Variants in DLC1 observed in about 807,000 individuals in gnomAD.
DLC1 encodes the protein rho GTPase-activating protein 7.
Under a neutral mutation model 140.3 loss-of-function variants are expected in DLC1, and 54 were observed. The ratio of observed to expected loss-of-function variants is 0.38; its 90% CI spans 0.31 to 0.48. The LOEUF (loss-of-function observed/expected upper bound fraction) is 0.48. Among genes scored for constraint, DLC1 ranks in the 20% least tolerant of loss-of-function variants. The pLI is 0.96. For missense variants in DLC1, 2,536 were observed against 1,907.0 expected (o/e 1.33, Z -6.14); for synonymous variants, 986 against 728.1 (o/e 1.35, Z -5.70).
chr8:13,391,077 G>A (rs1279276457), intron 4 of DLC1, among the ~76,000 whole-genome samples: 7 of 151,970 alleles, frequency 4.6e-5, no homozygotes, highest in Non-Finnish European at 8.8e-5. Flanking sequence ...CGTAAAAGTC[G>A]ATTGTCTTTG....
chr8:13,515,762 G>T (rs1802566746), upstream of DLC1: 1 of 152,176 alleles, frequency 6.6e-6, no homozygotes, highest in South Asian at 2.1e-4. Context: ...AACCAGACAG[G>T]CAACTCTGGA....
At chr8:13,347,464 G>A (rs1347483412) in intron 4 of DLC1, among the ~76,000 whole-genome samples, 6 of 152,150 alleles carry the variant, frequency 3.9e-5, no homozygotes, top group Admixed American at 2.0e-4. Flanking sequence ...TGTCGGGGAT[G>A]GGGCATGAGA....
intron 5 of DLC1, among the ~76,000 whole-genome samples, chr8:13,134,872 G>C (rs984399493): frequency 6.6e-5 from 10 of 152,180 alleles, no homozygotes; most frequent in African/African-American, 2.4e-4. Flanking sequence ...GCTCTAAAGG[G>C]TATGGGACTC....
chr8:13,375,513 C>A (rs1835936174), intron 4 of DLC1, among the ~76,000 whole-genome samples: 1 of 152,128 alleles, frequency 6.6e-6, no homozygotes, highest in South Asian at 2.1e-4. Flanking sequence ...TTTCTCCTGC[C>A]TGAATGCCCT....
chr8:13,128,041 CA>C (rs34983688), intron 5 of DLC1, among the ~76,000 whole-genome samples: 129 of 138,400 alleles, frequency 9.3e-4, no homozygotes, highest in African/African-American at 1.4e-3. Flanking sequence ...TCTAGTAGAA[CA>C]AAAAAAAAAA....
chr8:13,459,087 C>T (rs142768477), intron 2 of DLC1, among the ~76,000 whole-genome samples: 1 of 152,200 alleles, frequency 6.6e-6, no homozygotes, highest in East Asian at 1.9e-4. Flanking sequence ...TTTAAATAAC[C>T]TAATGAACCA....
intron 1 of DLC1, among the ~76,000 whole-genome samples, chr8:13,551,376 A>G (rs1803844043): frequency 6.6e-6 from 1 of 152,020 alleles, no homozygotes; most frequent in African/African-American, 2.4e-5. Flanking sequence ...ATCTAGTTCT[A>G]GATTTTGAAT....
chr8:13,172,987 C>G (rs1047413474), intron 5 of DLC1, among the ~76,000 whole-genome samples: 2 of 152,172 alleles, frequency 1.3e-5, no homozygotes, highest in Non-Finnish European at 2.9e-5. Context: ...AAAATGTTTT[C>G]TTTTCTCTAT....
intron 1 of DLC1, among the ~76,000 whole-genome samples, chr8:13,538,479 A>G (rs1053939838): frequency 1.2e-4 from 18 of 152,092 alleles, no homozygotes; most frequent in African/African-American, 4.3e-4. Context: ...AGACGAGCAG[A>G]TATGATGCCG....
intron 5 of DLC1, among the ~76,000 whole-genome samples, chr8:13,181,200 C>A (rs1826010411): frequency 6.6e-6 from 1 of 152,096 alleles, no homozygotes; most frequent in Non-Finnish European, 1.5e-5. Context: ...CACTCCAAAA[C>A]CTTTGCACTT....
At chr8:13,519,329 C>T (rs185441375), upstream of DLC1, among the ~76,000 whole-genome samples, 23 of 152,154 alleles carry the variant, frequency 1.5e-4, no homozygotes, top group Non-Finnish European at 2.1e-4. Context: ...GGGGTTTCAC[C>T]GTGTTAGCCA....
At chr8:13,349,119 C>G (rs887353962) in intron 4 of DLC1, among the ~76,000 whole-genome samples, 2 of 152,080 alleles carry the variant, frequency 1.3e-5, no homozygotes, top group East Asian at 3.9e-4. Flanking sequence ...AGACACTAAT[C>G]AGATAGGTTG....
chr8:13,496,786 C>CATT (rs1801529157), intron 2 of DLC1, among the ~76,000 whole-genome samples: 1 of 23,486 alleles, frequency 4.3e-5, no homozygotes, highest in African/African-American at 1.2e-4. Flanking sequence ...AGACCATTTC[C>CATT]TTTTTTTTTT....
intron 5 of DLC1, among the ~76,000 whole-genome samples, chr8:13,256,981 T>G (rs1014912504): frequency 1.3e-5 from 2 of 151,652 alleles, no homozygotes; most frequent in Admixed American, 1.3e-4. Flanking sequence ...GTGTGCTGAG[T>G]GAAGGCTATT....
At chr8:13,493,264 C>G (rs1300477341) in intron 2 of DLC1, among the ~76,000 whole-genome samples, 1 of 152,218 alleles carries the variant, frequency 6.6e-6, no homozygotes. Flanking sequence ...CATTCCTTCC[C>G]TCCTTGTCGG....
chr8:13,220,444 C>G (rs946407959), intron 5 of DLC1, among the ~76,000 whole-genome samples: 1 of 152,002 alleles, frequency 6.6e-6, no homozygotes, highest in Non-Finnish European at 1.5e-5. Context: ...CAAATTTGAT[C>G]GAAGTAAGGA....
chr8:13,367,500 A>G (rs1270429028), intron 4 of DLC1, among the ~76,000 whole-genome samples: 2 of 152,170 alleles, frequency 1.3e-5, no homozygotes, highest in Non-Finnish European at 1.5e-5. Flanking sequence ...CTTCCCATGA[A>G]TTGTTTTTTT....
At position 13,253,225 on chromosome 8, in the gene DLC1, G is replaced by A. The variant is rs561616178; in HGVS notation, c.1348+52044C>T. On this transcript the variant is annotated intron_variant, in intron 5 of 17. Coordinates refer to ENST00000276297, the MANE Select transcript of DLC1 (RefSeq NM_182643.3). ...AAATAAGAATAGTCATGCAAATTTTGTAGATAAATTAATAGACATAGATCT... is the reference window on the plus strand; with the variant it reads ...AAATAAGAATAGTCATGCAAATTTTATAGATAAATTAATAGACATAGATCT... 5.3e-5 allele frequency among the ~76,000 whole-genome samples: 8 copies of A among 152,312 alleles called. No homozygotes were observed. In the South Asian group the frequency reaches 1.7e-3, roughly 32 times the overall value.
At chr8:13,126,495 C>T (rs1821582451) in intron 5 of DLC1, among the ~76,000 whole-genome samples, 1 of 152,036 alleles carries the variant, frequency 6.6e-6, no homozygotes, top group Non-Finnish European at 1.5e-5. Flanking sequence ...AGTACGAAGT[C>T]CTTTGAAGAT....
Sources: allele counts gnomAD v4.1 joint callset (sites outside exome capture counted in the v4.1 genomes callset), GRCh38; gene constraint gnomAD v4.1.1; transcripts MANE v1.5; gene names NCBI Gene and HGNC (gene_info 2026-07-23, HGNC 2026-07-21).